The following LTBP4 variants were observed in gnomAD, a reference collection of about 807,000 sequenced individuals.
LTBP4 encodes the protein latent-transforming growth factor beta-binding protein 4.
In LTBP4, 93 loss-of-function variants were observed where a neutral mutation model predicts 180.2. That is an observed-to-expected ratio of 0.52 (90% CI 0.44 to 0.61). The LOEUF is 0.61. LTBP4 is among the 20% of genes least tolerant of loss of function. The probability of loss-of-function intolerance (pLI) is 0.00; values close to 1 mark genes in which losing one functional copy is unlikely to be tolerated. For synonymous variants in LTBP4, 947 were observed against 934.5 expected (o/e 1.01, Z -0.24); for missense variants, 2,116 against 2,256.5 (o/e 0.94, Z 1.26).
At chr19:40,600,069 C>G, upstream of LTBP4, 3 of 1,262,914 alleles carry the variant, frequency 2.4e-6, no homozygotes, top group Non-Finnish European at 3.0e-6. The surrounding 1 kb of genome is among the most constrained non-coding windows in gnomAD (Gnocchi z 4.4). Flanking sequence ...CCCACCCAGG[C>G]TCCAGGAGGC....
At chr19:40,593,985 G>T (rs1260363506) in intron 1 of LTBP4, among the ~76,000 whole-genome samples, 2 of 151,882 alleles carry the variant, frequency 1.3e-5, no homozygotes, top group Admixed American at 6.6e-5. Context: ...GTAGAGACAG[G>T]GTTTCACTGT....
chr19:40,627,645 GTT>G, intron 28 of LTBP4, 58 bp from the exon 29 acceptor site: 3 of 1,531,836 alleles, frequency 2.0e-6, no homozygotes, highest in Non-Finnish European at 2.6e-6. Context: ...CGCACCCACC[GTT>G]GTGGGTAAGG....
At chr19:40,610,720 G>C in intron 12 of LTBP4, 63 bp downstream of exon 12, 11 of 1,516,568 alleles carry the variant, frequency 7.3e-6, no homozygotes, top group Admixed American at 6.1e-5. Flanking sequence ...GCAGTGATGA[G>C]GGCCAGAGAG....
At chr19:40,627,384 G>C in intron 28 of LTBP4, 29 bp downstream of exon 28, 1 of 1,471,778 alleles carries the variant, frequency 6.8e-7, no homozygotes, top group Non-Finnish European at 9.0e-7. Flanking sequence ...TGATGAGACT[G>C]AGATGAGGGG....
In LTBP4 at chr19:40,613,377, C is replaced by T. The variant is rs1252546969; in HGVS notation, c.2432-27C>T. On this transcript the variant is annotated intron_variant, in intron 16 of 29. Coordinates refer to ENST00000396819, the MANE Select transcript of LTBP4 (RefSeq NM_001042545.2). The surrounding 1 kb of genome is among the most constrained non-coding windows in gnomAD (Gnocchi z 5.0). The stretch of plus-strand genomic sequence containing the variant: ...TTGTCTGGGAGGCCGGGTCCCGTGA[C>T]TCCGCCCAATCTCCCGCGTACCCTA... The T allele has an allele frequency of 6.3e-7, 1 of 1,599,548 alleles. No individual in the cohort carries two copies. The highest frequency in any genetic ancestry group is 1.1e-5 in the South Asian group (1 of 88,578).
intron 26 of LTBP4, among the ~76,000 whole-genome samples, chr19:40,625,286 A>T (rs867582979): frequency 2.7e-3 from 15 of 5,490 alleles, no homozygotes; most frequent in African/African-American, 4.8e-3. Context: ...ATATATATAT[A>T]TATATATATA....
intron 28 of LTBP4, 60 bp from the exon 29 acceptor site, chr19:40,627,645 G>C (rs1262296822): frequency 1.3e-6 from 2 of 1,531,718 alleles, no homozygotes; most frequent in African/African-American, 1.4e-5. Flanking sequence ...CGCACCCACC[G>C]TTGTGGGTAA....
In LTBP4 at chr19:40,617,140, C is replaced by T. The variant is rs566212619; in HGVS notation, c.2985C>T (p.His995=). The T allele has an allele frequency of 1.1e-5, 17 of 1,613,994 alleles. No individual in the cohort carries two copies. Among genetic ancestry groups the T allele is most frequent in the Admixed American group, 5.0e-5 (3 of 60,012 alleles). Residue 995 remains histidine, a synonymous_variant, in exon 21 of 30, where the codon CAC becomes CAT. Transcript: ENST00000396819. Reference sequence around the variant, plus strand: ...GGAACCGGTCCTTCTGCGGTGCCCACGCCGTGTGCCAGAACCTGCCCGGCT... The same window carrying T: ...GGAACCGGTCCTTCTGCGGTGCCCATGCCGTGTGCCAGAACCTGCCCGGCT... ...ECRNRSFCGA[H]AVCQNLPGSF... is the part of the protein sequence containing the mutation.
chr19:40,615,868 A>G (rs2081545365), intron 19 of LTBP4, among the ~76,000 whole-genome samples: 1 of 152,240 alleles, frequency 6.6e-6, no homozygotes, highest in South Asian at 2.1e-4. Context: ...TAGAGTTTGT[A>G]TTCTAGAGAG....
Position 40,609,639 on chromosome 19 carries a change from C to G in LTBP4, c.1536C>G (p.Ser512Arg). The change falls in exon 10 of 30, where the codon AGC becomes AGG. Residue 512 changes from serine to arginine, a missense_variant. This residue lies in a region of LTBP4 where 877 missense variants were observed against 873.6 expected (regional missense o/e 1.00). Transcript: ENST00000396819. This position sits in a 1 kb window ranked among gnomAD's most constrained non-coding sequence, Gnocchi z 4.9. ...CTTGCGACTCTGGCTTCCGGCTCAG[C>G]CCCCAGGGCACCCGATGCATTGGTG... ...TCACDSGFRLSPQGTRCIDVD... is the reference protein window; with the variant it reads ...TCACDSGFRLRPQGTRCIDVD... The G allele has an allele frequency of 6.2e-7, 1 of 1,613,230 alleles. No individual in the cohort carries two copies. The highest frequency in any genetic ancestry group is 1.1e-5 in the South Asian group (1 of 91,070).
At chr19:40,601,344 G>C (rs2081422289), upstream of LTBP4, 1 of 1,046,916 alleles carries the variant, frequency 9.6e-7, no homozygotes, top group South Asian at 4.4e-5. Context: ...CGGGCCCCTC[G>C]GGCGGGCTGG....
intron 21 of LTBP4, among the ~76,000 whole-genome samples, chr19:40,618,260 T>G (rs1363802220): frequency 1.5e-5 from 2 of 135,638 alleles, no homozygotes; most frequent in South Asian, 4.7e-4. Flanking sequence ...TAGAGATGAG[T>G]TTTTTTTTTT....
At chr19:40,599,164 G>A (rs779042830), upstream of LTBP4, 66 of 1,579,046 alleles carry the variant, frequency 4.2e-5, no homozygotes, top group Non-Finnish European at 4.4e-5. Flanking sequence ...GGGGTGCTAG[G>A]GGCCTGAGTG....
chr19:40,603,273 C>T (rs766019740), intron 1 of LTBP4, among the ~76,000 whole-genome samples: 12 of 152,162 alleles, frequency 7.9e-5, no homozygotes, highest in Middle Eastern at 3.2e-3. Flanking sequence ...AGTGGGTTCT[C>T]GCAAGAGGAC....
intron 1 of LTBP4, among the ~76,000 whole-genome samples, chr19:40,603,975 G>C (rs1440459724): frequency 6.6e-6 from 1 of 152,274 alleles, no homozygotes; most frequent in Non-Finnish European, 1.5e-5. Flanking sequence ...GCGCAGAGGG[G>C]AGTGGAGGCG....
chr19:40,615,722 G>A (rs1462737222), intron 19 of LTBP4, among the ~76,000 whole-genome samples: 25 of 152,244 alleles, frequency 1.6e-4, no homozygotes, highest in Non-Finnish European at 1.5e-5. Flanking sequence ...TCGCGCCACT[G>A]CACTGCAGCC....
intron 19 of LTBP4, 66 bp from the exon 20 acceptor site, chr19:40,616,823 G>T (rs1007778997): frequency 6.3e-7 from 1 of 1,579,960 alleles, no homozygotes; most frequent in Admixed American, 1.7e-5. Context: ...TTGGGCACCG[G>T]AAGTGGTGTT....
At position 40,609,518 on chromosome 19, in the gene LTBP4, T is replaced by C. The variant is rs1348202413; in HGVS notation, c.1427-12T>C. On this transcript the variant is annotated splice_polypyrimidine_tract_variant and intron_variant, in intron 9 of 29. Transcript: ENST00000396819. The surrounding 1 kb of genome is among the most constrained non-coding windows in gnomAD (Gnocchi z 4.9). ...CAGAGATGGGGGAACCCTGGCTGAC[T>C]GGACCCCCCAGGTCCCTCCTCCGGC... 2.5e-6 allele frequency: 4 copies of C among 1,609,988 alleles called. No homozygotes were observed. Among genetic ancestry groups the C allele is most frequent in the African/African-American group, 1.3e-5 (1 of 74,834 alleles).
chr19:40,612,273 C>T lies in LTBP4; in HGVS notation c.2299+81C>T, dbSNP rs2081513591. On this transcript the variant is annotated intron_variant, in intron 15 of 29. Coordinates refer to ENST00000396819, the MANE Select transcript of LTBP4 (RefSeq NM_001042545.2). ...ACCCAGATCACAACTATGACCTGGC[C>T]GTAACCTCCTGACCTGGACCTCAGT... The T allele has an allele frequency of 1.3e-5, 20 of 1,486,982 alleles. No individual in the cohort carries two copies. The Admixed American group carries it at 1.4e-4, about 11-fold the overall frequency. The allele number at this position is 1,486,982 out of a possible 1,614,324, so 92.1% of individuals were successfully genotyped here. A position where few individuals can be genotyped will look rare whatever the true frequency, so the allele number is the denominator to read the frequency against.
Sources: gnomAD v4.1 joint callset for allele counts (sites outside exome capture counted in the v4.1 genomes callset) on GRCh38, gnomAD v4.1.1 for gene constraint, gnomAD v4.1.1 regional missense constraint, Gnocchi (gnomAD v3.1) non-coding constraint, MANE v1.5 for transcripts, NCBI Gene and HGNC (gene_info 2026-07-23, HGNC 2026-07-21) for gene names.